USP36: variants seen among roughly 807,000 people sequenced by gnomAD.
USP36 encodes the protein ubiquitin specific peptidase 36, also known as ubiquitin carboxyl-terminal hydrolase 36.
Under a neutral mutation model 111.5 loss-of-function variants are expected in USP36, and 59 were observed. That is an observed-to-expected ratio of 0.53 (90% CI 0.43 to 0.66). The LOEUF is 0.66. Among genes scored for constraint, USP36 ranks in the 30% least tolerant of loss-of-function variants. The pLI, the probability that USP36 is intolerant of heterozygous loss-of-function variation, is 0.00. For missense variants in USP36, 1,488 were observed against 1,468.0 expected, an observed-to-expected ratio of 1.01 and a Z score of -0.22; for synonymous variants, 628 against 581.0, an observed-to-expected ratio of 1.08 and a Z score of -1.16.
chr17:78,813,479 G>A (rs1408149277), intron 12 of USP36, among the ~76,000 whole-genome samples: 1 of 152,162 alleles, frequency 6.6e-6, no homozygotes, highest in Non-Finnish European at 1.5e-5. Flanking sequence ...GCATTGGCTG[G>A]CTACCATCCA....
Position 78,819,969 on chromosome 17 carries a change from G to A in USP36, c.872C>T (p.Ala291Val). 6.2e-7 allele frequency: 1 copy of A among 1,614,140 alleles called. No individual in the cohort carries two copies. Among genetic ancestry groups the A allele is most frequent in the South Asian group, 1.1e-5 (1 of 91,088 alleles). Residue 291 changes from alanine to valine, a missense_variant, in exon 9 of 21, where the codon GCA becomes GTA. Ala to Val is a moderately conservative substitution (Grantham distance 64). Transcript: ENST00000449938. The part of the protein sequence containing the change: ...IVRALELFVK[A>V]DVLSGENAYM... The stretch of plus-strand genomic sequence containing the variant: ...GGCATTCTCTCCACTCAGGACATCT[G>A]CTTTCACAAAAAGTTCCAGAGCACG...
chr17:78,830,097 G>A (rs1476278610), intron 4 of USP36, among the ~76,000 whole-genome samples: 1 of 152,096 alleles, frequency 6.6e-6, no homozygotes, highest in Non-Finnish European at 1.5e-5. Flanking sequence ...TGCTGTGATC[G>A]CCGAACTCCC....
At position 78,835,488 on chromosome 17, in the gene USP36, C is replaced by A. The variant is rs150802920; in HGVS notation, c.267G>T (p.Thr89=). 2.5e-6 allele frequency: 4 copies of A among 1,603,178 alleles called. No individual in the cohort carries two copies. The South Asian group carries it at 3.4e-5, about 13-fold the overall frequency. Residue 89 remains threonine (T), a synonymous_variant, in exon 4 of 21, where the codon ACG becomes ACT. Coordinates refer to ENST00000449938, the MANE Select transcript of USP36 (RefSeq NM_001385174.1). ...GGACTCCGTCACCACAGCTCTCATA[C>A]GTGTGCTCACTGCCTGAGGAAGAAA... ...PPARRQGSEH[T]YESCGDGVPA...
intron 3 of USP36, among the ~76,000 whole-genome samples, chr17:78,788,361 C>T (rs1162983293): frequency 2.0e-5 from 3 of 152,188 alleles, no homozygotes; most frequent in East Asian, 3.9e-4. Flanking sequence ...GACAGGGTTT[C>T]ACCATGTTGG....
chr17:78,822,129 C>A (rs533579308), intron 6 of USP36, 125 bp from the exon 7 acceptor site: 37 of 1,035,802 alleles, frequency 3.6e-5, no homozygotes, highest in South Asian at 4.2e-5. Context: ...CTCCACCCCC[C>A]ACCCGAGTCA....
At chr17:78,839,564 A>AGT in intron 1 of USP36, among the ~76,000 whole-genome samples, 1 of 152,220 alleles carries the variant, frequency 6.6e-6, no homozygotes. Flanking sequence ...AGAACCACTT[A>AGT]GGGAGGGGAT....
chr17:78,803,772 G>T lies in USP36; in HGVS notation c.2423C>A (p.Pro808His). The T allele has an allele frequency of 6.2e-7, 1 of 1,612,758 alleles. No homozygotes were observed. Residue 808 changes from proline (P) to histidine (H), a missense_variant, in exon 16 of 21, where the codon CCC becomes CAC. Physicochemically the swap from Pro to His is moderately conservative, Grantham distance 77. Transcript: ENST00000449938. The surrounding 1 kb of genome is among the most constrained non-coding windows in gnomAD (Gnocchi z 4.6). ...LPEASEPPQS[P>H]SEKRKKTFVG... ...AAAGGTCTTTTTCCTCTTCTCAGAG[G>T]GGCTCTGGGGGGGCTCACTGGCCTC...
Position 78,803,824 on chromosome 17 carries a change from G to A in USP36, c.2371C>T (p.Leu791Phe). ...GGCAACTGGTGTGGAAGAGACACAA[G>A]GTCCTCGTTGACCTGAGGCAGCGCC... ...STALPQVNEDLVSLPHQLPEA... is the reference protein window; with the variant it reads ...STALPQVNEDFVSLPHQLPEA... The change falls in exon 16 of 21, where the codon CTT (leucine) becomes TTT (phenylalanine). Residue 791 changes from leucine to phenylalanine, a missense_variant. Around this residue, in one of 3 missense-constraint regions of USP36, gnomAD observed 1,073 missense variants for 994.1 expected, o/e 1.08. Transcript: ENST00000449938. This position sits in a 1 kb window ranked among gnomAD's most constrained non-coding sequence, Gnocchi z 4.6. 1 of 1,612,836 alleles carries A rather than the reference G, an allele frequency of 6.2e-7. No individual in the cohort carries two copies. The highest frequency in any genetic ancestry group is 8.5e-7 in the Non-Finnish European group (1 of 1,179,992).
chr17:78,818,906 G>C (rs1331673468), intron 9 of USP36, 128 bp from the exon 10 acceptor site: 4 of 906,570 alleles, frequency 4.4e-6, no homozygotes, highest in Non-Finnish European at 5.1e-6. Context: ...ATGAGATTTC[G>C]ACCTTCTGCT....
At chr17:78,805,500 A>C (rs1226726700) in intron 15 of USP36, among the ~76,000 whole-genome samples, 1 of 152,126 alleles carries the variant, frequency 6.6e-6, no homozygotes, top group Non-Finnish European at 1.5e-5. Flanking sequence ...CAGTCCCCGC[A>C]GGCCGCCTCA....
rs762349507 is a variant in USP36 at position 78,798,901 on chromosome 17, A to T, written c.3240+7T>A. The stretch of plus-strand genomic sequence containing the variant: ...CTCAAGCCTGTGGTCAGCATCACAC[A>T]TCATACCTTCCCTCGGTCAAACTCT... On this transcript the variant is annotated splice_region_variant and intron_variant, in intron 19 of 20. Transcript: ENST00000449938. The surrounding 1 kb of genome is among the most constrained non-coding windows in gnomAD (Gnocchi z 5.1). 6.2e-7 allele frequency: 1 copy of T among 1,614,008 alleles called. No homozygotes were observed. Among genetic ancestry groups the T allele is most frequent in the South Asian group, 1.1e-5 (1 of 91,062 alleles).
rs1365144842 is a variant in USP36 at position 78,835,521 on chromosome 17, G to C, written c.254-20C>G. On this transcript the variant is annotated intron_variant, in intron 3 of 20. Coordinates refer to ENST00000449938, the MANE Select transcript of USP36 (RefSeq NM_001385174.1). ...CACTGCCTGAGGAAGAAAGGGACAA[G>C]GGAAGAAAAGAGGAAGACGTAAGTC... The C allele has an allele frequency of 6.4e-7, 1 of 1,571,462 alleles. No homozygotes were observed. The highest frequency in any genetic ancestry group is 1.9e-5 in the Admixed American group (1 of 53,402).
chr17:78,820,918 G>T (rs999120758), intron 8 of USP36, 73 bp downstream of exon 8: 10 of 1,484,488 alleles, frequency 6.7e-6, no homozygotes, highest in South Asian at 3.6e-5. Context: ...TGCCTTTACT[G>T]TTCTGCGGGT....
chr17:78,799,493 C>T (rs546354767), intron 18 of USP36, among the ~76,000 whole-genome samples, 174 bp downstream of exon 18: 3 of 152,284 alleles, frequency 2.0e-5, no homozygotes, highest in East Asian at 1.9e-4. Context: ...CTTCGTGCCA[C>T]GGCTGAGGGT....
At position 78,803,351 on chromosome 17, in the gene USP36, AG is replaced by A; in HGVS notation, c.2810+33del. ...GTGGTTTTGCTTTGTTTCTCGTCAG[AG>A]GTAGACAGATGCCACTTTGCTCCTG... On this transcript the variant is annotated intron_variant, in intron 16 of 20. Coordinates refer to ENST00000449938, the MANE Select transcript of USP36 (RefSeq NM_001385174.1). This position sits in a 1 kb window ranked among gnomAD's most constrained non-coding sequence, Gnocchi z 4.6. 3 of 1,592,868 alleles carry A rather than the reference AG, an allele frequency of 1.9e-6. No homozygotes were observed. The highest frequency in any genetic ancestry group is 8.6e-7 in the Non-Finnish European group (1 of 1,165,722).
intron 4 of USP36, among the ~76,000 whole-genome samples, chr17:78,832,373 G>A (rs570249431): frequency 5.3e-5 from 8 of 152,300 alleles, no homozygotes; most frequent in African/African-American, 1.9e-4. Context: ...GGTCACTCAG[G>A]ATCCAGTGGG....
At chr17:78,788,540 G>T (rs896099169) in intron 3 of USP36, among the ~76,000 whole-genome samples, 6 of 152,092 alleles carry the variant, frequency 3.9e-5, no homozygotes, top group Non-Finnish European at 8.8e-5. Flanking sequence ...GGCAGTGGGG[G>T]TGCCCAGCTT....
At chr17:78,828,851 A>T (rs777676047) in intron 5 of USP36, 46 bp downstream of exon 5, 3 of 1,586,704 alleles carry the variant, frequency 1.9e-6, no homozygotes, top group Non-Finnish European at 2.6e-6. Context: ...ACAAAAAATT[A>T]AAAAATAAAT....
intron 4 of USP36, among the ~76,000 whole-genome samples, chr17:78,833,127 G>A (rs1178965634): frequency 4.6e-5 from 7 of 151,988 alleles, no homozygotes; most frequent in Middle Eastern, 3.2e-3. Context: ...CAGCCTGGGC[G>A]ACAGAACGAG....
Sources: allele counts gnomAD v4.1 joint callset (sites outside exome capture counted in the v4.1 genomes callset), GRCh38; gene constraint gnomAD v4.1.1; regional missense constraint gnomAD v4.1.1; non-coding constraint Gnocchi (gnomAD v3.1); transcripts MANE v1.5; gene names NCBI Gene and HGNC (gene_info 2026-07-23, HGNC 2026-07-21).